Variants in TENM3 observed in about 807,000 individuals in gnomAD.
TENM3 encodes teneurin transmembrane protein 3.
TENM3 carries 63 observed loss-of-function variants against 255.1 expected under a neutral mutation model. The ratio of observed to expected loss-of-function variants is 0.25; its 90% CI spans 0.20 to 0.30. The LOEUF (loss-of-function observed/expected upper bound fraction) is 0.30. TENM3 is among the 10% of genes least tolerant of loss of function. TENM3 has a pLI of 1.00. For synonymous variants in TENM3, 1,306 were observed against 1,322.3 expected, an observed-to-expected ratio of 0.99 and a Z score of 0.27; for missense variants, 2,929 against 3,461.1, an observed-to-expected ratio of 0.85 and a Z score of 3.86.
intron 3 of TENM3, among the ~76,000 whole-genome samples, chr4:182,558,238 G>A (rs1742773079): frequency 6.6e-6 from 1 of 152,168 alleles, no homozygotes. Context: ...CTAATGAATT[G>A]TGCTTTTGGT....
At chr4:182,733,339 A>T (rs1351311541) in intron 16 of TENM3, among the ~76,000 whole-genome samples, 2 of 152,236 alleles carry the variant, frequency 1.3e-5, no homozygotes, top group African/African-American at 4.8e-5. Context: ...CTCTTTGAGA[A>T]TTGGAAGCCA....
chr4:181,674,509 T>C, the TENM3 span, among the ~76,000 whole-genome samples: 1 of 152,204 alleles, frequency 6.6e-6, no homozygotes, highest in South Asian at 2.1e-4. Flanking sequence ...CTCAGAAGCC[T>C]TATTAAGCTG....
chr4:182,387,236 A>G (rs570343214), intron 3 of TENM3, among the ~76,000 whole-genome samples: 1 of 152,304 alleles, frequency 6.6e-6, no homozygotes, highest in South Asian at 2.1e-4. Context: ...CACACCAGTC[A>G]GCACCCTGTG....
At chr4:182,185,880 T>C (rs1357952887) in intron 1 of TENM3, among the ~76,000 whole-genome samples, 2 of 152,218 alleles carry the variant, frequency 1.3e-5, no homozygotes, top group South Asian at 2.1e-4. Context: ...AAACATGGAA[T>C]GTCCAGCTTA....
At chr4:182,590,092 C>A (rs74690368) in intron 3 of TENM3, among the ~76,000 whole-genome samples, 137 of 152,202 alleles carry the variant, frequency 9.0e-4, no homozygotes, top group African/African-American at 3.2e-3. Flanking sequence ...GGTTCCAGAA[C>A]CATAATGATA....
chr4:181,961,393 A>T, the TENM3 span, among the ~76,000 whole-genome samples: 2 of 152,160 alleles, frequency 1.3e-5, no homozygotes, highest in Admixed American at 1.3e-4. Flanking sequence ...GCTACCAAAC[A>T]TGATAAAAAA....
intron 1 of TENM3, among the ~76,000 whole-genome samples, chr4:182,194,970 G>A (rs1006045306): frequency 9.9e-5 from 15 of 151,268 alleles, no homozygotes; most frequent in African/African-American, 2.9e-4. Flanking sequence ...GGTCACTTCA[G>A]ACTGTAATTA....
At position 182,800,086 on chromosome 4, in the gene TENM3, C is replaced by T; in HGVS notation, c.7835C>T (p.Thr2612Ile). The stretch of plus-strand genomic sequence containing the variant: ...GCGCTGCACGTGCGCTACGGCATGA[C>T]CCTGGACGAGGAGAAGGCGCGCATC... Reference protein sequence around the residue: ...ALALHVRYGMTLDEEKARILE... With the variant: ...ALALHVRYGMILDEEKARILE... The change falls in exon 28 of 28, where the codon ACC becomes ATC. Residue 2612 changes from threonine (T) to isoleucine (I), a missense_variant. Thr to Ile is a moderately conservative substitution (Grantham distance 89). Around this residue, in one of 6 missense-constraint regions of TENM3, gnomAD observed 476 missense variants for 480.1 expected, o/e 0.99. Transcript: ENST00000511685. 1.9e-6 allele frequency: 3 copies of T among 1,591,108 alleles called. No individual in the cohort carries two copies. Among genetic ancestry groups the T allele is most frequent in the South Asian group, 2.3e-5 (2 of 88,552 alleles).
intron 12 of TENM3, among the ~76,000 whole-genome samples, chr4:182,688,647 A>G (rs1026138358): frequency 1.3e-5 from 2 of 152,184 alleles, no homozygotes; most frequent in Admixed American, 6.5e-5. Flanking sequence ...GTTTTATCGA[A>G]TATTACTTCT....
chr4:181,469,588 G>C, the TENM3 span, among the ~76,000 whole-genome samples: 8 of 152,122 alleles, frequency 5.3e-5, no homozygotes, highest in African/African-American at 1.4e-4. Flanking sequence ...CATAGTTCAT[G>C]GCCAGAAGAG....
intron 3 of TENM3, among the ~76,000 whole-genome samples, chr4:182,405,324 C>A (rs1240384926): frequency 1.3e-5 from 2 of 152,156 alleles, no homozygotes; most frequent in African/African-American, 4.8e-5. Context: ...AGAGAAAGAA[C>A]CCAAACCAAG....
At chr4:182,119,360 G>A in the TENM3 span, among the ~76,000 whole-genome samples, 9 of 152,252 alleles carry the variant, frequency 5.9e-5, no homozygotes, top group East Asian at 1.5e-3. Context: ...AAAGTGTGAA[G>A]GCCCCTCGAC....
chr4:181,500,048 G>A, the TENM3 span, among the ~76,000 whole-genome samples: 1 of 148,138 alleles, frequency 6.8e-6, no homozygotes, highest in East Asian at 2.0e-4. Flanking sequence ...TTTTTTTTGA[G>A]ACAGAGTTTC....
the TENM3 span, among the ~76,000 whole-genome samples, chr4:181,937,596 C>T: frequency 6.6e-6 from 1 of 152,334 alleles, no homozygotes; most frequent in East Asian, 1.9e-4. Context: ...ATCATGACTG[C>T]ACGAAGGCCT....
intron 1 of TENM3, among the ~76,000 whole-genome samples, chr4:182,279,252 A>G (rs1468581245): frequency 6.6e-6 from 1 of 152,202 alleles, no homozygotes. Context: ...TTTGTTGAAT[A>G]TGACAGATTA....
the TENM3 span, among the ~76,000 whole-genome samples, chr4:181,580,438 A>G: frequency 6.6e-6 from 1 of 152,192 alleles, no homozygotes; most frequent in Admixed American, 6.5e-5. Flanking sequence ...ATGAAACTGC[A>G]GGGAGAGAGT....
At chr4:181,472,894 C>T in the TENM3 span, among the ~76,000 whole-genome samples, 1 of 152,114 alleles carries the variant, frequency 6.6e-6, no homozygotes, top group South Asian at 2.1e-4. Flanking sequence ...GAGTAGAATT[C>T]TTACAAGAAT....
the TENM3 span, among the ~76,000 whole-genome samples, chr4:181,597,377 C>A: frequency 6.6e-6 from 1 of 152,210 alleles, no homozygotes; most frequent in African/African-American, 2.4e-5. Context: ...AAACACCTGA[C>A]AACTCAGCAC....
chr4:181,942,962 G>A, the TENM3 span, among the ~76,000 whole-genome samples: 1 of 151,952 alleles, frequency 6.6e-6, no homozygotes, highest in Non-Finnish European at 1.5e-5. Flanking sequence ...ATTGACATTG[G>A]CACTTATTTT....
Sources: gnomAD v4.1 joint callset for allele counts (sites outside exome capture counted in the v4.1 genomes callset) on GRCh38, gnomAD v4.1.1 for gene constraint, gnomAD v4.1.1 regional missense constraint, MANE v1.5 for transcripts, NCBI Gene and HGNC (gene_info 2026-07-23, HGNC 2026-07-21) for gene names.